The following SLC24A3 variants were observed in gnomAD, a reference collection of about 807,000 sequenced individuals.
SLC24A3 encodes the protein solute carrier family 24 member 3.
Under a neutral mutation model 75.8 loss-of-function variants are expected in SLC24A3, and 28 were observed. That is an observed-to-expected ratio of 0.37 (90% CI 0.27 to 0.51). SLC24A3 has a LOEUF of 0.51. Ranked by LOEUF, SLC24A3 falls within the 20% of genes least tolerant of loss-of-function variation. The pLI is 0.94. For missense variants in SLC24A3, 663 were observed against 847.8 expected, an observed-to-expected ratio of 0.78 and a Z score of 2.71; for synonymous variants, 372 against 334.1, an observed-to-expected ratio of 1.11 and a Z score of -1.24.
chr20:19,368,112 G>T (rs1052882457), intron 2 of SLC24A3, among the ~76,000 whole-genome samples: 1 of 152,234 alleles, frequency 6.6e-6, no homozygotes, highest in Non-Finnish European at 1.5e-5. Flanking sequence ...GTGTGTGTGT[G>T]TGTGTGTCCA....
intron 2 of SLC24A3, among the ~76,000 whole-genome samples, chr20:19,459,371 C>T (rs937981438): frequency 2.6e-5 from 4 of 152,236 alleles, no homozygotes; most frequent in African/African-American, 9.6e-5. Flanking sequence ...TAAAACCGTC[C>T]AGTATATGTG....
At chr20:19,493,280 G>A (rs1278711724) in intron 2 of SLC24A3, among the ~76,000 whole-genome samples, 1 of 152,216 alleles carries the variant, frequency 6.6e-6, no homozygotes, top group Non-Finnish European at 1.5e-5. Context: ...GACATAGCCG[G>A]TGGGAGGGCC....
At chr20:19,608,646 T>C (rs562520772) in intron 6 of SLC24A3, among the ~76,000 whole-genome samples, 1 of 152,326 alleles carries the variant, frequency 6.6e-6, no homozygotes, top group East Asian at 1.9e-4. Flanking sequence ...AATAATAATA[T>C]GTTTTTTAAG....
chr20:19,525,587 T>C (rs1450253697), intron 3 of SLC24A3, among the ~76,000 whole-genome samples: 1 of 152,084 alleles, frequency 6.6e-6, no homozygotes, highest in Non-Finnish European at 1.5e-5. Context: ...CTCCTATCTA[T>C]TGTCTGTCGA....
chr20:19,564,691 T>TAGCATACACACATACAC (rs1287467672), intron 3 of SLC24A3, among the ~76,000 whole-genome samples: 23 of 152,350 alleles, frequency 1.5e-4, no homozygotes, highest in Admixed American at 3.9e-4. Flanking sequence ...ATACACAATC[T>TAGCATACACACATACAC]ACATACTAGC....
chr20:19,594,074 C>T (rs1008215519), intron 6 of SLC24A3, among the ~76,000 whole-genome samples: 24 of 152,186 alleles, frequency 1.6e-4, no homozygotes, highest in African/African-American at 5.8e-4. Flanking sequence ...GAAGGATTCC[C>T]GTCATGGCCT....
intron 6 of SLC24A3, among the ~76,000 whole-genome samples, chr20:19,620,573 C>G (rs186057744): frequency 3.3e-5 from 5 of 152,212 alleles, no homozygotes; most frequent in Non-Finnish European, 7.3e-5. Flanking sequence ...ATATTCACAC[C>G]AGTTGTCCTA....
chr20:19,321,273 C>T (rs1984700976), intron 2 of SLC24A3, among the ~76,000 whole-genome samples: 1 of 152,146 alleles, frequency 6.6e-6, no homozygotes, highest in African/African-American at 2.4e-5. Context: ...GAGCAGTAAC[C>T]TTAAGAAGTT....
chr20:19,712,731 A>G (rs910096819), intron 15 of SLC24A3, among the ~76,000 whole-genome samples: 2 of 152,230 alleles, frequency 1.3e-5, no homozygotes, highest in Admixed American at 6.5e-5. Flanking sequence ...TAATAGCCCA[A>G]AACTGGAAGT....
At chr20:19,281,761 TG>T (rs1292822437) in intron 2 of SLC24A3, among the ~76,000 whole-genome samples, 1 of 152,182 alleles carries the variant, frequency 6.6e-6, no homozygotes, top group Non-Finnish European at 1.5e-5. Context: ...TCAGTAAACT[TG>T]TTCTGGAAAG....
intron 15 of SLC24A3, among the ~76,000 whole-genome samples, chr20:19,710,157 G>A (rs967098771): frequency 4.6e-5 from 7 of 152,156 alleles, no homozygotes; most frequent in Admixed American, 1.3e-4. Flanking sequence ...AAATAAATTA[G>A]CAAAAATCCA....
intron 2 of SLC24A3, among the ~76,000 whole-genome samples, chr20:19,465,465 C>T (rs1355910127): frequency 6.6e-6 from 1 of 151,194 alleles, no homozygotes; most frequent in Non-Finnish European, 1.5e-5. Context: ...CTAGAATGCA[C>T]ATTTGTTTGC....
chr20:19,314,789 G>A (rs1984545567), intron 2 of SLC24A3, among the ~76,000 whole-genome samples: 1 of 152,202 alleles, frequency 6.6e-6, no homozygotes, highest in Non-Finnish European at 1.5e-5. Context: ...AGCAAAGCTT[G>A]TCATAACACA....
chr20:19,453,165 G>A (rs1434990164), intron 2 of SLC24A3, among the ~76,000 whole-genome samples: 1 of 152,154 alleles, frequency 6.6e-6, no homozygotes, highest in Non-Finnish European at 1.5e-5. Flanking sequence ...GGGTGACAGA[G>A]CGAGACTCTG....
chr20:19,385,625 T>C (rs1357775897), intron 2 of SLC24A3, among the ~76,000 whole-genome samples: 1 of 151,332 alleles, frequency 6.6e-6, no homozygotes, highest in Non-Finnish European at 1.5e-5. Context: ...TGTGGTTTCA[T>C]ATGAATTTTA....
intron 8 of SLC24A3, among the ~76,000 whole-genome samples, chr20:19,671,281 G>A (rs1047296058): frequency 6.6e-6 from 1 of 152,198 alleles, no homozygotes; most frequent in Non-Finnish European, 1.5e-5. Flanking sequence ...GGCCATTGAG[G>A]TGGGGCACAG....
chr20:19,507,939 A>C (rs1450239893), intron 2 of SLC24A3, among the ~76,000 whole-genome samples: 2 of 152,192 alleles, frequency 1.3e-5, no homozygotes, highest in Non-Finnish European at 2.9e-5. Flanking sequence ...TGCTGATGAC[A>C]AAGAGAGAAA....
intron 2 of SLC24A3, among the ~76,000 whole-genome samples, chr20:19,451,006 A>C (rs75624224): frequency 0.12 from 18,458 of 152,238 alleles, 1,490 homozygotes; most frequent in South Asian, 0.2. Context: ...TTTCAAAAAA[A>C]AAGGAAGAAA....
At chr20:19,695,602 T>C (rs554393346) in intron 13 of SLC24A3, 3 of 152,346 alleles carry the variant, frequency 2.0e-5, no homozygotes, top group South Asian at 2.1e-4. Flanking sequence ...CTGACTTTAG[T>C]GTATCCATGA....
Sources: allele counts gnomAD v4.1 joint callset (sites outside exome capture counted in the v4.1 genomes callset), GRCh38; gene constraint gnomAD v4.1.1; transcripts MANE v1.5; gene names NCBI Gene and HGNC (gene_info 2026-07-23, HGNC 2026-07-21).